Variants in PHACTR1 observed in about 807,000 individuals in gnomAD.
PHACTR1 encodes phosphatase and actin regulator 1, also known as RPEL repeat containing 1.
In PHACTR1, 16 loss-of-function variants were observed where a neutral mutation model predicts 69.2. The observed-to-expected ratio is 0.23, with a 90% CI of 0.16 to 0.35. PHACTR1 has a LOEUF of 0.35. Among genes scored for constraint, PHACTR1 ranks in the 10% least tolerant of loss-of-function variants. The pLI is 1.00. For synonymous variants in PHACTR1, 312 were observed against 284.5 expected (o/e 1.10, Z -0.97); for missense variants, 510 against 734.7 (o/e 0.69, Z 3.54).
chr6:12,924,658 C>A (rs1042905772), intron 4 of PHACTR1, among the ~76,000 whole-genome samples: 1 of 151,580 alleles, frequency 6.6e-6, no homozygotes, highest in Non-Finnish European at 1.5e-5. Flanking sequence ...ACCTGTAGTC[C>A]CAGCTACTCG....
At chr6:12,774,555 C>T (rs996954287) in intron 4 of PHACTR1, among the ~76,000 whole-genome samples, 2 of 152,080 alleles carry the variant, frequency 1.3e-5, no homozygotes, top group African/African-American at 2.4e-5. Flanking sequence ...CCACACCTGG[C>T]TAATTCTTTT....
At chr6:12,833,829 G>A (rs1224438271) in intron 4 of PHACTR1, among the ~76,000 whole-genome samples, 1 of 152,062 alleles carries the variant, frequency 6.6e-6, no homozygotes, top group African/African-American at 2.4e-5. Flanking sequence ...GCTGTGGACA[G>A]TGCCTGGGCT....
At chr6:12,801,225 A>G (rs1773656561) in intron 4 of PHACTR1, among the ~76,000 whole-genome samples, 1 of 152,234 alleles carries the variant, frequency 6.6e-6, no homozygotes. Flanking sequence ...AAGGCTGAAA[A>G]GGTCGTTGCA....
intron 4 of PHACTR1, among the ~76,000 whole-genome samples, chr6:12,921,014 A>G (rs1477812351): frequency 1.3e-5 from 2 of 152,218 alleles, no homozygotes; most frequent in Admixed American, 1.3e-4. Flanking sequence ...GTTTAGACAA[A>G]TTAAGGCACT....
At chr6:12,812,648 G>A (rs966103004) in intron 4 of PHACTR1, among the ~76,000 whole-genome samples, 2 of 152,180 alleles carry the variant, frequency 1.3e-5, no homozygotes, top group Non-Finnish European at 2.9e-5. Context: ...GCTGTCTGTA[G>A]GCTGCTTACT....
rs996770227 is a variant in PHACTR1 at position 13,037,836 on chromosome 6, T to C, written c.251-15529T>C. Among the ~76,000 whole-genome samples the C allele has an allele frequency of 1.4e-4, 21 of 152,312 alleles. No homozygotes were observed. In the East Asian group the frequency reaches 4.1e-3, roughly 29 times the overall value. ...TGATGATATGGATAACTGGTCTACATGAAGAGAGAAGTGGGAAGAGTTGGC... is the reference window on the plus strand; with the variant it reads ...TGATGATATGGATAACTGGTCTACACGAAGAGAGAAGTGGGAAGAGTTGGC... On this transcript the variant is annotated intron_variant, in intron 4 of 14. Transcript: ENST00000332995.
At chr6:12,843,082 A>G (rs1174269855) in intron 4 of PHACTR1, among the ~76,000 whole-genome samples, 2 of 152,198 alleles carry the variant, frequency 1.3e-5, no homozygotes, top group Non-Finnish European at 2.9e-5. Context: ...TGATGGTCCA[A>G]GTATCTTAAT....
chr6:12,860,173 C>A (rs1000544675), intron 4 of PHACTR1, among the ~76,000 whole-genome samples: 5 of 152,094 alleles, frequency 3.3e-5, no homozygotes, highest in African/African-American at 9.7e-5. Context: ...CCCTGACAGG[C>A]CCCAGTGTGT....
chr6:12,823,248 T>C (rs1303825983), intron 4 of PHACTR1, among the ~76,000 whole-genome samples: 2 of 152,156 alleles, frequency 1.3e-5, no homozygotes, highest in African/African-American at 4.8e-5. Context: ...AGGAAGTAAA[T>C]AAGTCAATAT....
rs1762955055 is a variant in PHACTR1, at chr6:13,187,373, T to C, written c.664+4687T>C. ...ACTTTTCAAGCATGAAGGACATTTA[T>C]AGAAAATGAGGGAAGAGTATTCCAG... is the stretch of plus-strand genomic sequence containing the variant. On this transcript the variant is annotated intron_variant, in intron 7 of 14. Coordinates refer to ENST00000332995, the MANE Select transcript of PHACTR1 (RefSeq NM_030948.6). Among the ~76,000 whole-genome samples the C allele has an allele frequency of 2.0e-5, 3 of 152,152 alleles. No homozygotes were observed. The South Asian group carries it at 6.2e-4, about 31-fold the overall frequency.
intron 10 of PHACTR1, among the ~76,000 whole-genome samples, chr6:13,234,852 A>G (rs149673637): frequency 2.0e-4 from 30 of 152,328 alleles, no homozygotes; most frequent in African/African-American, 6.5e-4. Context: ...CTCCTCCTCC[A>G]TATGTATACA....
chr6:13,268,400 C>T (rs1380669409), intron 10 of PHACTR1, among the ~76,000 whole-genome samples: 2 of 152,152 alleles, frequency 1.3e-5, no homozygotes, highest in African/African-American at 2.4e-5. Flanking sequence ...TATTGGCCAC[C>T]CTTCCACAAG....
At chr6:13,215,217 G>A (rs1767485239) in intron 8 of PHACTR1, among the ~76,000 whole-genome samples, 1 of 152,214 alleles carries the variant, frequency 6.6e-6, no homozygotes, top group Non-Finnish European at 1.5e-5. Flanking sequence ...GGATGTAACA[G>A]TGAACAAAAT....
intron 4 of PHACTR1, among the ~76,000 whole-genome samples, chr6:12,893,547 TG>T (rs994743525): frequency 6.6e-6 from 1 of 152,088 alleles, no homozygotes; most frequent in Non-Finnish European, 1.5e-5. Flanking sequence ...ACTTGTATTT[TG>T]GGGGGGTCCT....
chr6:12,982,374 T>G (rs1214228915), intron 4 of PHACTR1, among the ~76,000 whole-genome samples: 1 of 152,216 alleles, frequency 6.6e-6, no homozygotes. Flanking sequence ...GTCAGTTGTT[T>G]ACTCACTGTT....
At chr6:13,276,493 C>G (rs1457715993) in intron 11 of PHACTR1, among the ~76,000 whole-genome samples, 1 of 151,794 alleles carries the variant, frequency 6.6e-6, no homozygotes, top group Non-Finnish European at 1.5e-5. Context: ...GTCCCAAGGC[C>G]GGGCGCGGTG....
At chr6:12,847,371 C>A (rs754393450) in intron 4 of PHACTR1, among the ~76,000 whole-genome samples, 2 of 152,118 alleles carry the variant, frequency 1.3e-5, no homozygotes, top group African/African-American at 2.4e-5. Flanking sequence ...TCATCTATGA[C>A]AAAAGAGATG....
intron 5 of PHACTR1, among the ~76,000 whole-genome samples, chr6:13,129,119 C>T (rs1387501720): frequency 1.3e-5 from 2 of 152,116 alleles, no homozygotes; most frequent in Non-Finnish European, 1.5e-5. Context: ...GAATTTGCCA[C>T]TACTAAGCCA....
intron 4 of PHACTR1, among the ~76,000 whole-genome samples, chr6:12,932,826 C>T (rs1421551300): frequency 6.6e-6 from 1 of 152,064 alleles, no homozygotes; most frequent in Non-Finnish European, 1.5e-5. Flanking sequence ...AACAACTGAC[C>T]TTGGTTATGG....
Sources: gnomAD v4.1 joint callset for allele counts (sites outside exome capture counted in the v4.1 genomes callset) on GRCh38, gnomAD v4.1.1 for gene constraint, MANE v1.5 for transcripts, NCBI Gene and HGNC (gene_info 2026-07-23, HGNC 2026-07-21) for gene names.